The following BACH1 variants were observed in gnomAD, a reference collection of about 807,000 sequenced individuals.
The protein encoded by BACH1 is transcription regulator protein BACH1.
A neutral mutation model predicts 52.9 loss-of-function variants in BACH1; 35 were observed. The observed-to-expected ratio is 0.66, with a 90% CI of 0.51 to 0.88. The LOEUF (loss-of-function observed/expected upper bound fraction) is 0.88, where lower values mean the gene tolerates loss of function less well. Ranked by LOEUF, BACH1 falls within the 40% of genes least tolerant of loss-of-function variation. The pLI is 0.00. For synonymous variants in BACH1, 321 were observed against 319.6 expected, an observed-to-expected ratio of 1.00 and a Z score of -0.05; for missense variants, 808 against 872.6, an observed-to-expected ratio of 0.93 and a Z score of 0.93.
Position 29,321,237 on chromosome 21 carries a change from A to G in BACH1, c.-44A>G. 1 of 1,489,444 alleles carries G rather than the reference A, an allele frequency of 6.7e-7. No individual in the cohort carries two copies. The highest frequency in any genetic ancestry group is 9.4e-7 in the Non-Finnish European group (1 of 1,068,220). The allele number at this position is 1,489,444 out of a possible 1,614,324, so 92.3% of individuals were successfully genotyped here. On this transcript the variant is annotated 5_prime_UTR_variant, in exon 2 of 5. Transcript: ENST00000286800. ...TGTTTGCAGGTTGATGATAATTAGA[A>G]GCATGCTTTCCACTGAACTTCCCGA... is the stretch of plus-strand genomic sequence containing the variant.
At chr21:29,360,855 A>AAC (rs1555888730) in intron 2 of BACH1, among the ~76,000 whole-genome samples, 2 of 151,306 alleles carry the variant, frequency 1.3e-5, no homozygotes, top group Non-Finnish European at 3.0e-5. Context: ...CAAAAAAAAA[A>AAC]AAAAAACAAA....
Position 29,323,249 on chromosome 21 carries a change from A to G in BACH1, c.234+1735A>G, listed in dbSNP as rs1166706135. On this transcript the variant is annotated intron_variant, in intron 2 of 4. Coordinates refer to ENST00000286800, the MANE Select transcript of BACH1 (RefSeq NM_001186.4). ...GGCGTTTGTTAAGGAGAATTGGCTCACATGTTCACAAGGTGAAGGCCCATT... is the reference window on the plus strand; with the variant it reads ...GGCGTTTGTTAAGGAGAATTGGCTCGCATGTTCACAAGGTGAAGGCCCATT... 2.6e-5 allele frequency among the ~76,000 whole-genome samples: 4 copies of G among 152,330 alleles called. No homozygotes were observed. In the East Asian group the frequency reaches 7.7e-4, roughly 29 times the overall value.
chr21:29,325,078 A>G (rs1182502162), intron 2 of BACH1, among the ~76,000 whole-genome samples: 1 of 152,070 alleles, frequency 6.6e-6, no homozygotes, highest in East Asian at 1.9e-4. Flanking sequence ...AAATACAGAA[A>G]AATTAGCCGG....
chr21:29,305,958 C>T (rs1435753637), intron 1 of BACH1, among the ~76,000 whole-genome samples: 2 of 152,190 alleles, frequency 1.3e-5, no homozygotes, highest in African/African-American at 4.8e-5. Context: ...ATTCCCATAG[C>T]ATGCTATAGT....
intron 4 of BACH1, among the ~76,000 whole-genome samples, chr21:29,333,422 A>C (rs545226834): frequency 6.6e-6 from 1 of 152,362 alleles, no homozygotes; most frequent in Non-Finnish European, 1.5e-5. Flanking sequence ...ATGGCCAATA[A>C]ACAAGCAGTA....
At position 29,326,189 on chromosome 21, in the gene BACH1, G is replaced by A; in HGVS notation, c.365G>A (p.Cys122Tyr). 1 of 1,614,210 alleles carries A rather than the reference G, an allele frequency of 6.2e-7. No homozygotes were observed. Among genetic ancestry groups the A allele is most frequent in the Non-Finnish European group, 8.5e-7 (1 of 1,180,034 alleles). The change falls in exon 3 of 5, where the codon TGC (cysteine) becomes TAC (tyrosine). Residue 122 changes from cysteine (C) to tyrosine (Y), a missense_variant. Transcript: ENST00000286800. The part of the protein sequence containing the change: ...FLSVHNIEES[C>Y]FQFLKFKFLD... ...AGTGTACATAATATTGAGGAATCCT[G>A]CTTTCAGTTTCTGAAATTTAAGTTT... is the stretch of plus-strand genomic sequence containing the variant.
Position 29,355,021 on chromosome 21 carries a change from G to A in BACH1, c.472+25328G>A, listed in dbSNP as rs555503015. ...ATCTTGCAGCAGCAAGATTTATTGT[G>A]AAGAGTGAAAGAAAAAGCTTCCACA... is the stretch of plus-strand genomic sequence containing the variant. On this transcript the variant is annotated intron_variant, in intron 2 of 4. Transcript: ENST00000422809. Among the ~76,000 whole-genome samples the A allele has an allele frequency of 2.2e-4, 34 of 152,314 alleles. No homozygotes were observed. The East Asian group carries it at 6.0e-3, about 27-fold the overall frequency.
intron 2 of BACH1, chr21:29,361,418 G>A (rs2089271097): frequency 6.6e-6 from 1 of 152,104 alleles, no homozygotes; most frequent in Non-Finnish European, 1.5e-5. Flanking sequence ...GGAAAGAGCC[G>A]TAGTTGTAGA....
intron 1 of BACH1, 83 bp downstream of exon 1, chr21:29,299,036 G>C (rs920586910): frequency 1.8e-4 from 28 of 151,936 alleles, no homozygotes; most frequent in African/African-American, 6.5e-4. Flanking sequence ...GGAGGCCGGC[G>C]GACAGGTCCA....
intron 3 of BACH1, 133 bp from the exon 4 acceptor site, chr21:29,329,354 G>C (rs1601358122): frequency 6.2e-6 from 4 of 644,570 alleles, no homozygotes; most frequent in African/African-American, 3.8e-5. Flanking sequence ...TATAGAAATT[G>C]GGATAGAGGC....
chr21:29,347,661 A>G (rs1243357503), downstream of BACH1, among the ~76,000 whole-genome samples: 1 of 152,186 alleles, frequency 6.6e-6, no homozygotes, highest in Non-Finnish European at 1.5e-5. Flanking sequence ...CCACTTCCCA[A>G]CACCAGCCTT....
intron 4 of BACH1, among the ~76,000 whole-genome samples, chr21:29,338,840 C>G (rs1435549350): frequency 3.3e-5 from 5 of 151,042 alleles, no homozygotes; most frequent in Non-Finnish European, 3.0e-5. Flanking sequence ...TTTTTTTTTC[C>G]CTGTGTTTCT....
At chr21:29,318,248 T>C (rs1158582055) in intron 1 of BACH1, among the ~76,000 whole-genome samples, 1 of 152,224 alleles carries the variant, frequency 6.6e-6, no homozygotes, top group African/African-American at 2.4e-5. Context: ...GAGCTGATGA[T>C]GGCTTGGATT....
At chr21:29,327,533 A>T in intron 3 of BACH1, 140 bp downstream of exon 3, 1 of 1,235,696 alleles carries the variant, frequency 8.1e-7, no homozygotes, top group South Asian at 1.5e-5. Context: ...TAATTGTAAG[A>T]CTGTGTGATA....
Position 29,342,763 on chromosome 21 carries a change from A to G in BACH1, c.2141A>G (p.Gln714Arg). Residue 714 changes from glutamine to arginine, a missense_variant, in exon 5 of 5, where the codon CAG becomes CGG. Coordinates refer to ENST00000286800, the MANE Select transcript of BACH1 (RefSeq NM_001186.4). ...TCTGAGCAAGCTGGGCCTGCGGAACAGTGTCGTCAGAGTGGTGGGATCTCA... is the reference window on the plus strand; with the variant it reads ...TCTGAGCAAGCTGGGCCTGCGGAACGGTGTCGTCAGAGTGGTGGGATCTCA... ...ATSEQAGPAE[Q>R]CRQSGGISDF... 1 of 1,613,994 alleles carries G rather than the reference A, an allele frequency of 6.2e-7. No individual in the cohort carries two copies. Among genetic ancestry groups the G allele is most frequent in the Non-Finnish European group, 8.5e-7 (1 of 1,179,870 alleles).
chr21:29,336,724 T>A (rs1456649136), intron 4 of BACH1, among the ~76,000 whole-genome samples: 2 of 151,998 alleles, frequency 1.3e-5, no homozygotes, highest in African/African-American at 4.8e-5. Flanking sequence ...GAGTGTGGAG[T>A]GCAGTGGCGT....
intron 3 of BACH1, among the ~76,000 whole-genome samples, chr21:29,328,438 CT>C (rs1569016744): frequency 6.6e-6 from 1 of 150,484 alleles, no homozygotes; most frequent in African/African-American, 2.4e-5. Context: ...TTTTTTTTGC[CT>C]TTCAATAGTT....
chr21:29,305,917 C>T (rs1051158938), intron 1 of BACH1, among the ~76,000 whole-genome samples: 1 of 152,150 alleles, frequency 6.6e-6, no homozygotes, highest in Non-Finnish European at 1.5e-5. Context: ...ATGAACTTTT[C>T]AGAAGTTACA....
At chr21:29,305,495 C>T (rs1294904761) in intron 1 of BACH1, among the ~76,000 whole-genome samples, 1 of 152,114 alleles carries the variant, frequency 6.6e-6, no homozygotes, top group Non-Finnish European at 1.5e-5. Context: ...AAAGGCTGGG[C>T]CACCTTTTCT....
Sources: allele counts gnomAD v4.1 joint callset (sites outside exome capture counted in the v4.1 genomes callset), GRCh38; gene constraint gnomAD v4.1.1; transcripts MANE v1.5; gene names NCBI Gene and HGNC (gene_info 2026-07-23, HGNC 2026-07-21).